PPM1L: variants seen among roughly 807,000 people sequenced by gnomAD.
The protein encoded by PPM1L is protein phosphatase, Mg2+/Mn2+ dependent 1L.
In PPM1L, 13 loss-of-function variants were observed where a neutral mutation model predicts 31.4. That is an observed-to-expected ratio of 0.41 (90% CI 0.27 to 0.66). PPM1L has a LOEUF of 0.66. Among genes scored for constraint, PPM1L ranks in the 30% least tolerant of loss-of-function variants. PPM1L has a pLI of 0.29. For missense variants in PPM1L, 326 were observed against 453.7 expected (o/e 0.72, Z 2.56); for synonymous variants, 184 against 175.4 (o/e 1.05, Z -0.39).
intron 2 of PPM1L, among the ~76,000 whole-genome samples, chr3:161,027,341 C>A (rs1369171592): frequency 6.6e-6 from 1 of 152,058 alleles, no homozygotes; most frequent in Non-Finnish European, 1.5e-5. Context: ...GTGTATTAGT[C>A]CATTTTCACA....
rs747264408 is a variant in PPM1L at position 160,885,837 on chromosome 3, G to C, written c.400-75899G>C. On this transcript the variant is annotated intron_variant, in intron 1 of 3. Coordinates refer to ENST00000498165, the MANE Select transcript of PPM1L (RefSeq NM_139245.4). The stretch of plus-strand genomic sequence containing the variant: ...CTGCTTAAGCCTGCGGAGCTCCCCT[G>C]GGGGAGGGGCAACCAGCACCACAGC... Among the ~76,000 whole-genome samples, 33 of 152,324 alleles carry C rather than the reference G, an allele frequency of 2.2e-4. 1 individual carries two copies. The highest frequency in any genetic ancestry group is 4.6e-4 in the Admixed American group (7 of 15,302).
rs532604436 is a variant in PPM1L at position 160,847,665 on chromosome 3, A to AAAAAC, written c.399+90977_399+90981dup. ...AAACACACACACCCAGGGACATACC[A>AAAAAC]AAAACAAAACAAAACAAAACAAAGC... On this transcript the variant is annotated intron_variant, in intron 1 of 3. Transcript: ENST00000498165. Among the ~76,000 whole-genome samples the AAAAAC allele has an allele frequency of 3.0e-4, 45 of 152,210 alleles. No individual in the cohort carries two copies. The East Asian group carries it at 6.0e-3, about 20-fold the overall frequency.
chr3:160,814,478 C>T (rs1303347946), intron 1 of PPM1L, among the ~76,000 whole-genome samples: 13 of 127,400 alleles, frequency 1.0e-4, no homozygotes, highest in East Asian at 6.7e-4. Context: ...GGTGTATATA[C>T]ACACACACAC....
chr3:161,036,431 T>C (rs1718743367), intron 2 of PPM1L, among the ~76,000 whole-genome samples: 1 of 152,188 alleles, frequency 6.6e-6, no homozygotes, highest in Admixed American at 6.5e-5. Context: ...AGTTCAACCA[T>C]CTGCAAGATG....
intron 1 of PPM1L, among the ~76,000 whole-genome samples, chr3:160,958,062 T>C (rs140768512): frequency 6.2e-4 from 95 of 152,354 alleles, no homozygotes; most frequent in Non-Finnish European, 1.2e-3. Flanking sequence ...TATTAGACCT[T>C]TGTCAGGTGC....
intron 1 of PPM1L, among the ~76,000 whole-genome samples, chr3:160,811,038 G>A (rs1437719204): frequency 6.6e-6 from 1 of 152,202 alleles, no homozygotes; most frequent in Non-Finnish European, 1.5e-5. Flanking sequence ...TTATGGCCCT[G>A]TGAAGCAGTC....
intron 1 of PPM1L, among the ~76,000 whole-genome samples, chr3:160,773,320 T>C (rs569645506): frequency 8.5e-5 from 13 of 152,292 alleles, no homozygotes; most frequent in African/African-American, 3.1e-4. Flanking sequence ...GAAACAGTTA[T>C]CAAATTATGA....
intron 1 of PPM1L, among the ~76,000 whole-genome samples, chr3:160,769,218 G>A (rs1290390822): frequency 1.3e-5 from 2 of 152,212 alleles, no homozygotes; most frequent in African/African-American, 4.8e-5. Flanking sequence ...AATTGTATTA[G>A]CTAGGAAGAA....
At chr3:160,804,865 C>T (rs1007712994) in intron 1 of PPM1L, among the ~76,000 whole-genome samples, 2 of 152,188 alleles carry the variant, frequency 1.3e-5, no homozygotes, top group Admixed American at 6.5e-5. Flanking sequence ...TTGTGGTTAG[C>T]CCCTATAGTA....
rs966734543 is a variant in PPM1L at position 160,885,752 on chromosome 3, C to G, written c.400-75984C>G. On this transcript the variant is annotated intron_variant, in intron 1 of 3. Coordinates refer to ENST00000498165, the MANE Select transcript of PPM1L (RefSeq NM_139245.4). ...AGATCCCACTCACCTACCCACGCCA[C>G]GGGGTCTAGGGTCCCAACCCTGGAG... Among the ~76,000 whole-genome samples the G allele has an allele frequency of 2.6e-5, 4 of 152,354 alleles. No individual in the cohort carries two copies. In the South Asian group the frequency reaches 8.3e-4, roughly 32 times the overall value.
chr3:160,984,587 T>C (rs1716903953), intron 2 of PPM1L, among the ~76,000 whole-genome samples: 1 of 152,116 alleles, frequency 6.6e-6, no homozygotes. Flanking sequence ...ACAAGAGTAT[T>C]GATTGGGGAA....
intron 1 of PPM1L, among the ~76,000 whole-genome samples, chr3:160,954,015 C>A (rs763716925): frequency 6.6e-6 from 1 of 152,104 alleles, no homozygotes; most frequent in Non-Finnish European, 1.5e-5. Context: ...GTACGCATTG[C>A]CATCTTTGTA....
intron 1 of PPM1L, among the ~76,000 whole-genome samples, chr3:160,782,787 G>A (rs1711787829): frequency 6.6e-6 from 1 of 152,118 alleles, no homozygotes; most frequent in African/African-American, 2.4e-5. Flanking sequence ...AGAGTTCTTT[G>A]TCATCCTTTC....
At chr3:160,851,368 A>G (rs940491773) in intron 1 of PPM1L, among the ~76,000 whole-genome samples, 7 of 152,198 alleles carry the variant, frequency 4.6e-5, no homozygotes, top group Admixed American at 2.6e-4. Flanking sequence ...GTTGAGGGCT[A>G]TGTCCAAACT....
chr3:161,045,127 C>T (rs1375960818), intron 2 of PPM1L, among the ~76,000 whole-genome samples: 1 of 152,102 alleles, frequency 6.6e-6, no homozygotes, highest in Non-Finnish European at 1.5e-5. Flanking sequence ...TAAAGCAAGT[C>T]CTTAGAGACC....
intron 1 of PPM1L, among the ~76,000 whole-genome samples, chr3:160,772,623 A>G (rs192661077): frequency 1.9e-3 from 285 of 152,334 alleles, no homozygotes; most frequent in Admixed American, 3.1e-3. Flanking sequence ...TTTGTTATAT[A>G]CCCACGAAAC....
chr3:160,810,741 A>G (rs1425403670), intron 1 of PPM1L, among the ~76,000 whole-genome samples: 1 of 152,242 alleles, frequency 6.6e-6, no homozygotes, highest in Admixed American at 6.5e-5. Flanking sequence ...TAAGGAGGTC[A>G]TAAATTGTAT....
chr3:160,881,591 T>C (rs971725123), intron 1 of PPM1L, among the ~76,000 whole-genome samples: 6 of 152,214 alleles, frequency 3.9e-5, no homozygotes, highest in African/African-American at 1.4e-4. Context: ...CACTAGACTT[T>C]TAATGATTTC....
chr3:160,897,700 CA>C (rs1713389511), intron 1 of PPM1L, among the ~76,000 whole-genome samples: 1 of 152,204 alleles, frequency 6.6e-6, no homozygotes, highest in Non-Finnish European at 1.5e-5. Context: ...TTATATTCAT[CA>C]AAATTCATCT....
Sources: gnomAD v4.1 joint callset for allele counts (sites outside exome capture counted in the v4.1 genomes callset) on GRCh38, gnomAD v4.1.1 for gene constraint, MANE v1.5 for transcripts, NCBI Gene and HGNC (gene_info 2026-07-23, HGNC 2026-07-21) for gene names.